ZMIZ1: variants seen among roughly 807,000 people sequenced by gnomAD.
The protein encoded by ZMIZ1 is zinc finger MIZ domain-containing protein 1.
Under a neutral mutation model 113.9 loss-of-function variants are expected in ZMIZ1, and 17 were observed. The observed-to-expected ratio is 0.15, with a 90% CI of 0.10 to 0.22. ZMIZ1 has a LOEUF of 0.22. ZMIZ1 is among the 10% of genes least tolerant of loss of function. The pLI is 1.00. For missense variants in ZMIZ1, 1,059 were observed against 1,477.8 expected (o/e 0.72, Z 4.65); for synonymous variants, 607 against 603.1 (o/e 1.01, Z -0.09).
chr10:79,158,986 C>T (rs993229230), intron 3 of ZMIZ1, among the ~76,000 whole-genome samples: 1 of 152,226 alleles, frequency 6.6e-6, no homozygotes, highest in African/African-American at 2.4e-5. Flanking sequence ...GCTGCCCTTT[C>T]TGGCCTCGCA....
At chr10:79,242,958 C>T (rs1849933378) in intron 7 of ZMIZ1, among the ~76,000 whole-genome samples, 1 of 150,700 alleles carries the variant, frequency 6.6e-6, no homozygotes, top group Non-Finnish European at 1.5e-5. Context: ...GGCTGACGGT[C>T]TGCGCGCGCG....
rs1842920539 is a variant in ZMIZ1 at position 79,089,301 on chromosome 10, G to GAAA, written c.-337+20034_-337+20036dup. ...CCAAGTGGGCCCCACATCAGTGAAG[G>GAAA]AAAAAGCCCTTGGCTCTTGTGCAAA... On this transcript the variant is annotated intron_variant, in intron 1 of 24. Coordinates refer to ENST00000334512, the MANE Select transcript of ZMIZ1 (RefSeq NM_020338.4). Among the ~76,000 whole-genome samples, 6 of 152,362 alleles carry GAAA rather than the reference G, an allele frequency of 3.9e-5. No individual in the cohort carries two copies. In the South Asian group the frequency reaches 1.2e-3, roughly 32 times the overall value.
chr10:79,264,128 T>G (rs1319217794), intron 7 of ZMIZ1, among the ~76,000 whole-genome samples: 2 of 152,174 alleles, frequency 1.3e-5, no homozygotes, highest in Admixed American at 1.3e-4. Flanking sequence ...GCAGGCTCCG[T>G]GGTTCCTGGG....
At chr10:79,154,933 T>G (rs1845849674) in intron 3 of ZMIZ1, among the ~76,000 whole-genome samples, 1 of 152,222 alleles carries the variant, frequency 6.6e-6, no homozygotes, top group Non-Finnish European at 1.5e-5. Flanking sequence ...TTATGGCCCC[T>G]GTTTACGGAG....
At chr10:79,308,638 G>A (rs1854896960) in intron 23 of ZMIZ1, among the ~76,000 whole-genome samples, 1 of 152,194 alleles carries the variant, frequency 6.6e-6, no homozygotes, top group African/African-American at 2.4e-5. Context: ...GACCCCAGGA[G>A]TCCAAGTCGG....
chr10:79,071,883 T>C (rs1842296992), intron 1 of ZMIZ1, among the ~76,000 whole-genome samples: 1 of 143,946 alleles, frequency 6.9e-6, no homozygotes, highest in African/African-American at 2.6e-5. Context: ...CGTCTCCTTG[T>C]CCCAAATCAC....
At chr10:79,305,382 T>A in intron 20 of ZMIZ1, 151 bp downstream of exon 20, 1 of 1,212,892 alleles carries the variant, frequency 8.2e-7, no homozygotes. Flanking sequence ...AGGTGGTCCC[T>A]TGGTATCACG....
At chr10:79,123,426 C>T (rs1464439886) in intron 2 of ZMIZ1, among the ~76,000 whole-genome samples, 1 of 152,204 alleles carries the variant, frequency 6.6e-6, no homozygotes. Flanking sequence ...TGGGCACTCT[C>T]ACAGCCATGC....
At chr10:79,135,855 G>A (rs577518175) in intron 2 of ZMIZ1, among the ~76,000 whole-genome samples, 1 of 152,326 alleles carries the variant, frequency 6.6e-6, no homozygotes, top group South Asian at 2.1e-4. Context: ...AGTACAGCCG[G>A]CAGTGAGCCC....
chr10:79,196,529 C>T (rs1399451862), intron 4 of ZMIZ1, among the ~76,000 whole-genome samples: 1 of 152,230 alleles, frequency 6.6e-6, no homozygotes, highest in Non-Finnish European at 1.5e-5. Flanking sequence ...TGTCCAGAAG[C>T]CAGTTCAGTC....
Position 79,312,769 on chromosome 10 carries a change from A to G in ZMIZ1, c.*20A>G. The G allele has an allele frequency of 1.2e-6, 2 of 1,607,532 alleles. No individual in the cohort carries two copies. Among genetic ancestry groups the G allele is most frequent in the South Asian group, 1.1e-5 (1 of 90,954 alleles). On this transcript the variant is annotated 3_prime_UTR_variant, in exon 25 of 25. Transcript: ENST00000334512. Reference sequence around the variant, plus strand: ...AACTGAGGGCCACCCGGTCGGGGCCATCCCTCCACACTCTGCATCCTACCC... The same window carrying G: ...AACTGAGGGCCACCCGGTCGGGGCCGTCCCTCCACACTCTGCATCCTACCC...
intron 7 of ZMIZ1, among the ~76,000 whole-genome samples, chr10:79,256,401 C>T (rs1850907099): frequency 6.6e-6 from 1 of 152,164 alleles, no homozygotes; most frequent in Non-Finnish European, 1.5e-5. Flanking sequence ...GGACTCTGGC[C>T]AGCATCTCCC....
intron 3 of ZMIZ1, among the ~76,000 whole-genome samples, chr10:79,144,423 G>C (rs540780777): frequency 6.6e-6 from 1 of 152,130 alleles, no homozygotes; most frequent in Non-Finnish European, 1.5e-5. Context: ...TGAGGAAACC[G>C]AGGCCCAGAG....
At chr10:79,073,049 C>T (rs1842345230) in intron 1 of ZMIZ1, among the ~76,000 whole-genome samples, 1 of 152,204 alleles carries the variant, frequency 6.6e-6, no homozygotes. Flanking sequence ...GGCATAGGCT[C>T]TGGGGAGAGG....
chr10:79,232,299 C>T (rs1218444536), intron 7 of ZMIZ1, among the ~76,000 whole-genome samples: 3 of 152,146 alleles, frequency 2.0e-5, no homozygotes, highest in Non-Finnish European at 4.4e-5. Flanking sequence ...GGTACCCCTG[C>T]ACCCCTCAAA....
chr10:79,104,950 G>GGTGTGTGTGTGTGT (rs58453718), intron 1 of ZMIZ1, among the ~76,000 whole-genome samples: 16 of 140,188 alleles, frequency 1.1e-4, no homozygotes, highest in South Asian at 7.1e-4. Flanking sequence ...GTTGTTGTGG[G>GGTGTGTGTGTGTGT]GTGTGTGTGT....
intron 7 of ZMIZ1, among the ~76,000 whole-genome samples, chr10:79,217,992 A>G (rs2094072): frequency 0.2 from 30,716 of 152,158 alleles, 4,441 homozygotes; most frequent in African/African-American, 0.41. Context: ...GCAGGCACCC[A>G]GCAAGGGCTG....
At chr10:79,135,277 G>GC (rs1844953372) in intron 2 of ZMIZ1, among the ~76,000 whole-genome samples, 1 of 152,134 alleles carries the variant, frequency 6.6e-6, no homozygotes, top group South Asian at 2.1e-4. Flanking sequence ...GGCAAGGTGG[G>GC]CCAGGTCTGC....
At chr10:79,305,733 C>T in intron 21 of ZMIZ1, 132 bp downstream of exon 21, 1 of 924,348 alleles carries the variant, frequency 1.1e-6, no homozygotes, top group Admixed American at 2.0e-5. Context: ...CATCCCCCAC[C>T]TCTCTGTCCC....
Sources: gnomAD v4.1 joint callset for allele counts (sites outside exome capture counted in the v4.1 genomes callset) on GRCh38, gnomAD v4.1.1 for gene constraint, MANE v1.5 for transcripts, NCBI Gene and HGNC (gene_info 2026-07-23, HGNC 2026-07-21) for gene names.